SLC44A1: variants seen among roughly 807,000 people sequenced by gnomAD.
SLC44A1 encodes solute carrier family 44 member 1, also known as choline transporter-like protein 1.
SLC44A1 carries 26 observed loss-of-function variants against 79.3 expected under a neutral mutation model. That is an observed-to-expected ratio of 0.33 (90% CI 0.24 to 0.46). SLC44A1 has a LOEUF of 0.46. Among genes scored for constraint, SLC44A1 ranks in the 20% least tolerant of loss-of-function variants. The pLI is 1.00. For synonymous variants in SLC44A1, 263 were observed against 286.2 expected, an observed-to-expected ratio of 0.92 and a Z score of 0.82; for missense variants, 688 against 798.1, an observed-to-expected ratio of 0.86 and a Z score of 1.66.
chr9:105,309,762 A>T lies in SLC44A1; in HGVS notation c.165A>T (p.Ala55=), dbSNP rs765740688. ...ICGFSIATGA[A]ARLVSGYDSY... ...GCTTTTCAATAGCAACAGGTGCAGC[A>T]GCAAGACTAGTGTCAGGATACGACA... The change falls in exon 3 of 16, where the codon GCA becomes GCT. Residue 55 remains alanine (A), a synonymous_variant. Coordinates refer to ENST00000374720, the MANE Select transcript of SLC44A1 (RefSeq NM_080546.5). 1 of 1,614,010 alleles carries T rather than the reference A, an allele frequency of 6.2e-7. No homozygotes were observed. The highest frequency in any genetic ancestry group is 1.7e-5 in the Admixed American group (1 of 60,018).
intron 2 of SLC44A1, among the ~76,000 whole-genome samples, chr9:105,309,416 G>T (rs1455907501): frequency 6.6e-6 from 1 of 152,158 alleles, no homozygotes; most frequent in Non-Finnish European, 1.5e-5. Context: ...ACACAAACTG[G>T]CACAGAGCAG....
At chr9:105,276,643 G>A (rs1190036729) in intron 1 of SLC44A1, among the ~76,000 whole-genome samples, 1 of 143,148 alleles carries the variant, frequency 7.0e-6, no homozygotes, top group African/African-American at 2.5e-5. Context: ...TTACAATAGG[G>A]TTGTCACGAA....
At chr9:105,345,897 T>C (rs1191383908) in intron 4 of SLC44A1, among the ~76,000 whole-genome samples, 1 of 152,030 alleles carries the variant, frequency 6.6e-6, no homozygotes, top group Non-Finnish European at 1.5e-5. Context: ...TCATTACTCA[T>C]GTATAACTTT....
intron 15 of SLC44A1, among the ~76,000 whole-genome samples, chr9:105,415,975 C>G (rs574965276): frequency 6.8e-6 from 1 of 146,612 alleles, no homozygotes; most frequent in Non-Finnish European, 1.5e-5. Context: ...GATGTCGGCT[C>G]GCTGCAACCT....
intron 15 of SLC44A1, among the ~76,000 whole-genome samples, chr9:105,432,654 G>A (rs1017799923): frequency 1.1e-4 from 17 of 152,206 alleles, no homozygotes; most frequent in Non-Finnish European, 2.5e-4. Flanking sequence ...GCAAGGTATA[G>A]TTTGTGTCTG....
chr9:105,434,167 G>A (rs538936543), intron 15 of SLC44A1, among the ~76,000 whole-genome samples: 5 of 152,064 alleles, frequency 3.3e-5, no homozygotes, highest in African/African-American at 4.8e-5. Flanking sequence ...GTGAAACCCC[G>A]TCTCTGTTAA....
intron 15 of SLC44A1, among the ~76,000 whole-genome samples, chr9:105,415,806 A>G (rs1460057184): frequency 6.6e-6 from 1 of 151,656 alleles, no homozygotes; most frequent in Non-Finnish European, 1.5e-5. Context: ...TCCTTCGATT[A>G]TCTTACATGT....
At chr9:105,258,645 T>A (rs901909024) in intron 1 of SLC44A1, among the ~76,000 whole-genome samples, 1 of 152,172 alleles carries the variant, frequency 6.6e-6, no homozygotes, top group Admixed American at 6.5e-5. Context: ...ACCACTTTTT[T>A]GTCTCTTAAT....
chr9:105,311,506 TGTG>T (rs754016765), intron 3 of SLC44A1, among the ~76,000 whole-genome samples: 5 of 152,168 alleles, frequency 3.3e-5, no homozygotes, highest in South Asian at 2.1e-4. Context: ...TGTTTAACCT[TGTG>T]GTGATTCATC....
At position 105,325,686 on chromosome 9, in the gene SLC44A1, A is replaced by G. The variant is rs980317104; in HGVS notation, c.270-9877A>G. Among the ~76,000 whole-genome samples, 34 of 152,152 alleles carry G rather than the reference A, an allele frequency of 2.2e-4. 2 individuals carry two copies. The highest frequency in any genetic ancestry group is 1.0e-4 in the Non-Finnish European group (7 of 68,026). On this transcript the variant is annotated intron_variant, in intron 3 of 15. Coordinates refer to ENST00000374720, the MANE Select transcript of SLC44A1 (RefSeq NM_080546.5). ...AATCCAATCACCTCTTAAAGGCACC[A>G]CCTCTCAATACTGCCACACTGGGGA... is the stretch of plus-strand genomic sequence containing the variant.
intron 1 of SLC44A1, among the ~76,000 whole-genome samples, chr9:105,297,440 A>G (rs895152941): frequency 1.3e-5 from 2 of 152,026 alleles, no homozygotes; most frequent in South Asian, 2.1e-4. Flanking sequence ...CTGGAGTGCA[A>G]TGGCGCGATT....
chr9:105,288,049 T>C (rs572591331), intron 1 of SLC44A1, among the ~76,000 whole-genome samples: 5 of 152,338 alleles, frequency 3.3e-5, no homozygotes, highest in African/African-American at 1.2e-4. Context: ...ATGGGAAAAA[T>C]GCATTATAAA....
At chr9:105,432,788 C>T (rs1314908674) in intron 15 of SLC44A1, among the ~76,000 whole-genome samples, 2 of 152,116 alleles carry the variant, frequency 1.3e-5, no homozygotes, top group East Asian at 1.9e-4. Flanking sequence ...GAAAGACAGC[C>T]AGACTTCTGA....
intron 5 of SLC44A1, among the ~76,000 whole-genome samples, chr9:105,354,261 A>G (rs867995795): frequency 1.3e-3 from 201 of 151,480 alleles, no homozygotes; most frequent in African/African-American, 4.6e-3. Flanking sequence ...CGTGTTAGCC[A>G]GGATGGTCTC....
intron 15 of SLC44A1, among the ~76,000 whole-genome samples, chr9:105,405,594 T>G (rs1588872311): frequency 1.3e-5 from 2 of 152,314 alleles, no homozygotes; most frequent in South Asian, 4.1e-4. Flanking sequence ...CTCATGTTTC[T>G]GATGTGGCTT....
intron 13 of SLC44A1, among the ~76,000 whole-genome samples, chr9:105,377,606 A>C (rs1219057013): frequency 6.6e-6 from 1 of 151,628 alleles, no homozygotes; most frequent in Non-Finnish European, 1.5e-5. Flanking sequence ...AATACAAAAA[A>C]AAAAAAATTA....
intron 4 of SLC44A1, 60 bp from the exon 5 acceptor site, chr9:105,348,298 G>C (rs1827300661): frequency 1.2e-6 from 1 of 855,480 alleles, no homozygotes; most frequent in Non-Finnish European, 1.9e-6. Flanking sequence ...AAATTAAAAT[G>C]AATAGTAAGA....
At chr9:105,417,611 A>G (rs1829188288) in intron 15 of SLC44A1, among the ~76,000 whole-genome samples, 1 of 152,126 alleles carries the variant, frequency 6.6e-6, no homozygotes, top group African/African-American at 2.4e-5. Context: ...GTGTGATTAT[A>G]TCCTGAAACC....
At chr9:105,379,361 A>G (rs1828391191) in intron 13 of SLC44A1, among the ~76,000 whole-genome samples, 1 of 152,190 alleles carries the variant, frequency 6.6e-6, no homozygotes, top group Admixed American at 6.5e-5. Context: ...AAATAGCTGT[A>G]AAATAACAAA....
Sources: gnomAD v4.1 joint callset for allele counts (sites outside exome capture counted in the v4.1 genomes callset) on GRCh38, gnomAD v4.1.1 for gene constraint, MANE v1.5 for transcripts, NCBI Gene and HGNC (gene_info 2026-07-23, HGNC 2026-07-21) for gene names.